The following CEP350 variants were observed in gnomAD, a reference collection of about 807,000 sequenced individuals.
CEP350 encodes centrosome-associated protein 350.
A neutral mutation model predicts 331.8 loss-of-function variants in CEP350; 126 were observed. The ratio of observed to expected loss-of-function variants is 0.38; its 90% confidence interval spans 0.33 to 0.44. CEP350 has a LOEUF of 0.44. Among genes scored for constraint, CEP350 ranks in the 20% least tolerant of loss-of-function variants. CEP350 has a pLI of 1.00. For synonymous variants in CEP350, 1,200 were observed against 1,259.5 expected (o/e 0.95, Z 1.00); for missense variants, 3,406 against 3,634.6 (o/e 0.94, Z 1.62).
At chr1:180,041,618 G>T (rs1656762144) in intron 18 of CEP350, 44 bp from the exon 19 acceptor site, 2 of 1,538,568 alleles carry the variant, frequency 1.3e-6, no homozygotes, top group Non-Finnish European at 1.8e-6. Flanking sequence ...AGGAGGAGGG[G>T]AGATTAAAAC....
intron 3 of CEP350, 114 bp from the exon 4 acceptor site, chr1:179,990,393 T>C (rs1224291892): frequency 2.2e-6 from 1 of 451,976 alleles, no homozygotes; most frequent in African/African-American, 2.0e-5. Context: ...CTGAGTTTTT[T>C]TCTACTTTGG....
chr1:180,069,307 ATT>A (rs1571952243), intron 27 of CEP350, among the ~76,000 whole-genome samples: 1 of 152,210 alleles, frequency 6.6e-6, no homozygotes, highest in African/African-American at 2.4e-5. Context: ...ATTTTATGAC[ATT>A]TCTCTGTCCA....
intron 8 of CEP350, among the ~76,000 whole-genome samples, chr1:180,008,039 T>C (rs1273372191): frequency 6.6e-6 from 1 of 152,200 alleles, no homozygotes; most frequent in Non-Finnish European, 1.5e-5. Flanking sequence ...TGATTTTTAA[T>C]ATAAGTTAAC....
At position 180,093,462 on chromosome 1, in the gene CEP350, G is replaced by A; in HGVS notation, c.7357G>A (p.Asp2453Asn). The change falls in exon 34 of 38, where the codon GAC (aspartate) becomes AAC (asparagine). Residue 2453 changes from aspartate (D) to asparagine (N), a missense_variant. Physicochemically the swap from Asp to Asn is conservative, Grantham distance 23. Coordinates refer to ENST00000367607, the MANE Select transcript of CEP350 (RefSeq NM_014810.5). ...SLSIHSNVHS[D>N]RLLELKSPTE... ...TTCTATCCATAGCAATGTTCATTCT[G>A]ACAGGCTGTTGGAACTCAAGTCCCC... 2 of 1,607,582 alleles carry A rather than the reference G, an allele frequency of 1.2e-6. No homozygotes were observed. The highest frequency in any genetic ancestry group is 1.7e-6 in the Non-Finnish European group (2 of 1,176,570).
Position 179,997,083 on chromosome 1 carries a change from T to C in CEP350, c.926T>C (p.Ile309Thr), listed in dbSNP as rs201051995. The change falls in exon 6 of 38, where the codon ATT becomes ACT. Residue 309 changes from isoleucine to threonine, a missense_variant. Around this residue, in one of 5 missense-constraint regions of CEP350, gnomAD observed 1,857 missense variants for 1,909.2 expected, o/e 0.97. Transcript: ENST00000367607. ...GGCCGGGGCCAGAAGCTGGGTCATA[T>C]TGACCATCCAGTAATGGTTGTTAAT... is the stretch of plus-strand genomic sequence containing the variant. ...TNGRGQKLGH[I>T]DHPVMVVNVD... 3.7e-6 allele frequency: 6 copies of C among 1,614,034 alleles called. No individual in the cohort carries two copies. The African/African-American group carries it at 8.0e-5, about 22-fold the overall frequency.
At chr1:180,081,679 C>A (rs935360025) in intron 30 of CEP350, among the ~76,000 whole-genome samples, 7 of 152,102 alleles carry the variant, frequency 4.6e-5, no homozygotes. Flanking sequence ...GGCTGTAATA[C>A]CTGTACAGTA....
intron 31 of CEP350, 140 bp from the exon 32 acceptor site, chr1:180,087,438 C>T: frequency 1.5e-6 from 1 of 674,820 alleles, no homozygotes; most frequent in East Asian, 3.2e-5. Flanking sequence ...GAGAATGATG[C>T]TGAGGGGGGC....
At chr1:180,001,330 C>G (rs1463960683) in intron 6 of CEP350, among the ~76,000 whole-genome samples, 1 of 152,184 alleles carries the variant, frequency 6.6e-6, no homozygotes, top group African/African-American at 2.4e-5. Flanking sequence ...ATAATCTCAG[C>G]TCACTGCAAC....
Position 180,051,638 on chromosome 1 carries a change from T to A in CEP350, c.4793-1332T>A, listed in dbSNP as rs909720796. On this transcript the variant is annotated intron_variant, in intron 22 of 37. Coordinates refer to ENST00000367607, the MANE Select transcript of CEP350 (RefSeq NM_014810.5). ...CTAATCATGCATACACACACATTAATCAGGATATTGGGAGTTCCCAAAATG... is the reference window on the plus strand; with the variant it reads ...CTAATCATGCATACACACACATTAAACAGGATATTGGGAGTTCCCAAAATG... 5.9e-5 allele frequency among the ~76,000 whole-genome samples: 9 copies of A among 152,306 alleles called. No individual in the cohort carries two copies. In the East Asian group the frequency reaches 1.7e-3, roughly 29 times the overall value.
At chr1:179,993,462 G>C (rs1384250916) in intron 5 of CEP350, among the ~76,000 whole-genome samples, 1 of 152,044 alleles carries the variant, frequency 6.6e-6, no homozygotes, top group Non-Finnish European at 1.5e-5. Context: ...TTGCTCTGTT[G>C]CCCAGGCTGG....
At chr1:179,966,922 G>C (rs1446866056) in intron 1 of CEP350, among the ~76,000 whole-genome samples, 1 of 152,122 alleles carries the variant, frequency 6.6e-6, no homozygotes, top group East Asian at 1.9e-4. Flanking sequence ...TTTGTCACTT[G>C]GTGTTCCTGG....
At position 179,955,080 on chromosome 1, in the gene CEP350, G is replaced by A; in HGVS notation, c.-76G>A. The A allele has an allele frequency of 6.9e-7, 1 of 1,453,278 alleles. No individual in the cohort carries two copies. The highest frequency in any genetic ancestry group is 9.0e-7 in the Non-Finnish European group (1 of 1,105,668). The allele number at this position is 1,453,278 out of a possible 1,614,324, so 90.0% of individuals were successfully genotyped here. A position where few individuals can be genotyped will look rare whatever the true frequency, so the allele number is the denominator to read the frequency against. On this transcript the variant is annotated 5_prime_UTR_variant, in exon 1 of 38. Coordinates refer to ENST00000367607, the MANE Select transcript of CEP350 (RefSeq NM_014810.5). The stretch of plus-strand genomic sequence containing the variant: ...TGGGGCCGGTCGGGGCGGCGTCACT[G>A]CACCCTCCGCCAGGCTCCGCGGGAT...
intron 1 of CEP350, among the ~76,000 whole-genome samples, chr1:179,957,772 C>G (rs948826675): frequency 7.9e-5 from 12 of 152,130 alleles, no homozygotes; most frequent in Non-Finnish European, 1.6e-4. Context: ...ACAGTGGAAA[C>G]TTCATTTACT....
Position 180,093,732 on chromosome 1 carries a change from G to C in CEP350, c.7627G>C (p.Asp2543His). Residue 2543 changes from aspartate (D) to histidine (H), a missense_variant, in exon 34 of 38, where the codon GAT (aspartate) becomes CAT (histidine). Asp to His is a moderately conservative substitution (Grantham distance 81). Around this residue, in one of 5 missense-constraint regions of CEP350, gnomAD observed 1,415 missense variants for 1,512.3 expected, o/e 0.94. Transcript: ENST00000367607. Reference sequence around the variant, plus strand: ...TGAAGGAAATAACAATGGAACATATGATGGTATTGCATATTTTGAGTGCAA... The same window carrying C: ...TGAAGGAAATAACAATGGAACATATCATGGTATTGCATATTTTGAGTGCAA... ...KPEGNNNGTY[D>H]GIAYFECKEK... The C allele has an allele frequency of 6.2e-7, 1 of 1,613,952 alleles. No individual in the cohort carries two copies. The highest frequency in any genetic ancestry group is 8.5e-7 in the Non-Finnish European group (1 of 1,179,846).
intron 27 of CEP350, among the ~76,000 whole-genome samples, chr1:180,073,113 A>C (rs1659004993): frequency 6.6e-6 from 1 of 151,998 alleles, no homozygotes; most frequent in African/African-American, 2.4e-5. Context: ...ATTTATTGGG[A>C]CTAGCTCACT....
intron 7 of CEP350, among the ~76,000 whole-genome samples, 163 bp downstream of exon 7, chr1:180,003,450 C>G (rs1158668477): frequency 6.6e-6 from 1 of 152,166 alleles, no homozygotes; most frequent in Non-Finnish European, 1.5e-5. Context: ...CTCTTAGCCT[C>G]TAGACTCAGC....
intron 25 of CEP350, among the ~76,000 whole-genome samples, chr1:180,055,755 C>T (rs1028516106): frequency 1.3e-5 from 2 of 151,890 alleles, no homozygotes; most frequent in Non-Finnish European, 2.9e-5. Context: ...ACCATGTCAG[C>T]CAGGATGGTC....
chr1:180,035,891 C>T (rs1656317990), intron 16 of CEP350, among the ~76,000 whole-genome samples: 1 of 152,138 alleles, frequency 6.6e-6, no homozygotes, highest in African/African-American at 2.4e-5. Context: ...TTGTGTAAGG[C>T]TATAGCTGCC....
At chr1:180,100,814 C>T (rs987255576) in intron 37 of CEP350, among the ~76,000 whole-genome samples, 1 of 152,170 alleles carries the variant, frequency 6.6e-6, no homozygotes, top group African/African-American at 2.4e-5. Flanking sequence ...AAAGTGGAAA[C>T]CCCTGATAAA....
Sources: gnomAD v4.1 joint callset for allele counts (sites outside exome capture counted in the v4.1 genomes callset) on GRCh38, gnomAD v4.1.1 for gene constraint, gnomAD v4.1.1 regional missense constraint, MANE v1.5 for transcripts, NCBI Gene and HGNC (gene_info 2026-07-23, HGNC 2026-07-21) for gene names.